Variants in TSPAN2 observed in about 807,000 individuals in gnomAD.
The protein encoded by TSPAN2 is tetraspanin-2.
In TSPAN2, 24 loss-of-function variants were observed where a neutral mutation model predicts 33.3. That is an observed-to-expected ratio of 0.72 (90% CI 0.52 to 1.01). The LOEUF (loss-of-function observed/expected upper bound fraction) is 1.01. Ranked by LOEUF, TSPAN2 falls within the 50% of genes least tolerant of loss-of-function variation. TSPAN2 has a pLI of 0.00. For missense variants in TSPAN2, 278 were observed against 281.3 expected, an observed-to-expected ratio of 0.99 and a Z score of 0.08; for synonymous variants, 114 against 104.5, an observed-to-expected ratio of 1.09 and a Z score of -0.56.
intron 1 of TSPAN2, among the ~76,000 whole-genome samples, chr1:115,085,370 A>T (rs1213134637): frequency 6.6e-6 from 1 of 152,178 alleles, no homozygotes; most frequent in African/African-American, 2.4e-5. Flanking sequence ...TTGTATGTTT[A>T]TGAAACCAGG....
At chr1:115,069,436 C>A (rs1648077799) in intron 2 of TSPAN2, among the ~76,000 whole-genome samples, 1 of 152,156 alleles carries the variant, frequency 6.6e-6, no homozygotes, top group Admixed American at 6.5e-5. Context: ...AGGCCTGGGG[C>A]ATTACATGCA....
chr1:115,077,645 A>G (rs1238303898), intron 1 of TSPAN2, among the ~76,000 whole-genome samples: 1 of 152,258 alleles, frequency 6.6e-6, no homozygotes, highest in African/African-American at 2.4e-5. Context: ...TGCCAAAAAA[A>G]AGTCATCGTG....
chr1:115,089,271 C>T, intron 1 of TSPAN2, 93 bp downstream of exon 1: 1 of 1,194,622 alleles, frequency 8.4e-7, no homozygotes, highest in Non-Finnish European at 1.2e-6. Flanking sequence ...ACGAGCGCGA[C>T]TCGGACGCCG....
At chr1:115,082,727 C>T (rs2144549) in intron 1 of TSPAN2, among the ~76,000 whole-genome samples, 16,930 of 152,228 alleles carry the variant, frequency 0.11, 1,144 homozygotes, top group East Asian at 0.21. Flanking sequence ...TTCTGGAATG[C>T]ATCAAGACTA....
intron 2 of TSPAN2, among the ~76,000 whole-genome samples, chr1:115,063,294 T>C (rs1647805833): frequency 6.6e-6 from 1 of 152,172 alleles, no homozygotes; most frequent in Non-Finnish European, 1.5e-5. Flanking sequence ...AAAGAAGACA[T>C]GCAAGCGAGC....
intron 1 of TSPAN2, among the ~76,000 whole-genome samples, chr1:115,086,817 T>G (rs1195308909): frequency 6.6e-6 from 1 of 152,238 alleles, no homozygotes; most frequent in Non-Finnish European, 1.5e-5. Context: ...AATTTGAGCA[T>G]GGATCAGAAT....
At chr1:115,054,547 C>G (rs1193065896) in intron 6 of TSPAN2, among the ~76,000 whole-genome samples, 1 of 152,142 alleles carries the variant, frequency 6.6e-6, no homozygotes, top group African/African-American at 2.4e-5. Context: ...GAGAGTCAAC[C>G]TATAGCAATT....
intron 2 of TSPAN2, 70 bp downstream of exon 2, chr1:115,072,835 G>T: frequency 7.4e-7 from 1 of 1,358,646 alleles, no homozygotes; most frequent in Non-Finnish European, 1.0e-6. Context: ...TTCAAGTGCA[G>T]CTTCTGCTCT....
At chr1:115,052,184 C>T (rs1675333479) in intron 7 of TSPAN2, among the ~76,000 whole-genome samples, 1 of 152,190 alleles carries the variant, frequency 6.6e-6, no homozygotes, top group Non-Finnish European at 1.5e-5. Flanking sequence ...TGAGAAATGT[C>T]CCTTGATTTG....
At chr1:115,080,174 GT>G (rs1174972675) in intron 1 of TSPAN2, among the ~76,000 whole-genome samples, 1 of 152,198 alleles carries the variant, frequency 6.6e-6, no homozygotes, top group Non-Finnish European at 1.5e-5. Flanking sequence ...AAAATGTGTT[GT>G]TTATTTGGTG....
chr1:115,062,093 C>G, intron 3 of TSPAN2, 42 bp downstream of exon 3: 70 of 1,424,700 alleles, frequency 4.9e-5, no homozygotes, highest in Non-Finnish European at 6.2e-5. Context: ...GCAGGCCGCT[C>G]CCTCACCCCC....
intron 5 of TSPAN2, 111 bp downstream of exon 5, chr1:115,058,772 A>T: frequency 1.1e-6 from 1 of 937,724 alleles, no homozygotes; most frequent in Non-Finnish European, 1.7e-6. Flanking sequence ...AGGTGGTGCT[A>T]CTTGGCTTTA....
chr1:115,087,986 G>A (rs555505702), intron 1 of TSPAN2, among the ~76,000 whole-genome samples: 18 of 152,282 alleles, frequency 1.2e-4, no homozygotes, highest in African/African-American at 3.4e-4. Context: ...TCACTGTGGC[G>A]TGACATCTAT....
At chr1:115,050,596 T>A (rs201564613) in intron 7 of TSPAN2, 41 bp from the exon 8 acceptor site, 10 of 1,561,200 alleles carry the variant, frequency 6.4e-6, no homozygotes, top group Non-Finnish European at 8.8e-6. Context: ...TTGAAACGGG[T>A]ACTGATAGGT....
chr1:115,078,334 C>A (rs1022801956), intron 1 of TSPAN2, among the ~76,000 whole-genome samples: 1 of 152,164 alleles, frequency 6.6e-6, no homozygotes, highest in Non-Finnish European at 1.5e-5. Flanking sequence ...CAAACATAAT[C>A]CCCTCTGCCC....
intron 2 of TSPAN2, 91 bp downstream of exon 2, chr1:115,072,814 T>G: frequency 8.9e-7 from 1 of 1,127,494 alleles, no homozygotes; most frequent in Middle Eastern, 2.0e-4. Context: ...GCCCTCCCCC[T>G]CCCACCAAAG....
chr1:115,057,573 G>A lies in TSPAN2; in HGVS notation c.480C>T (p.Val160=). 3 of 1,614,164 alleles carry A rather than the reference G, an allele frequency of 1.9e-6. No individual in the cohort carries two copies. Among genetic ancestry groups the A allele is most frequent in the Non-Finnish European group, 2.5e-6 (3 of 1,180,004 alleles). Residue 160 remains valine, a synonymous_variant, in exon 6 of 8, where the codon GTC becomes GTT. Transcript: ENST00000369516. The part of the protein sequence containing the change: ...QCCGKESSEQ[V]QPTCPKELLG... Reference sequence around the variant, plus strand: ...GAAGCTCCTTTGGGCATGTAGGTTGGACCTGTTCGGAGCTTTCTTTTCCAC... The same window carrying A: ...GAAGCTCCTTTGGGCATGTAGGTTGAACCTGTTCGGAGCTTTCTTTTCCAC...
chr1:115,089,372 G>T lies in TSPAN2; in HGVS notation c.61C>A (p.Leu21Ile). ...IKYLLLGFNL[L>I]FWLAGSAVIA... ...CCGGCTCCTGGTCTCACCCAGAAGA[G>T]CAGGTTGAAGCCAAGCAGCAGGTAC... The change falls in exon 1 of 8, where the codon CTC (leucine) becomes ATC (isoleucine). Residue 21 changes from leucine to isoleucine, a missense_variant. Transcript: ENST00000369516. The T allele has an allele frequency of 6.3e-7, 1 of 1,591,204 alleles. No individual in the cohort carries two copies. Among genetic ancestry groups the T allele is most frequent in the Non-Finnish European group, 8.5e-7 (1 of 1,170,108 alleles).
chr1:115,082,863 A>G (rs1409461084), intron 1 of TSPAN2, among the ~76,000 whole-genome samples: 1 of 152,250 alleles, frequency 6.6e-6, no homozygotes, highest in Non-Finnish European at 1.5e-5. Context: ...TGGGGTTTAA[A>G]GTCAGAAGAC....
Sources: allele counts gnomAD v4.1 joint callset (sites outside exome capture counted in the v4.1 genomes callset), GRCh38; gene constraint gnomAD v4.1.1; transcripts MANE v1.5; gene names NCBI Gene and HGNC (gene_info 2026-07-23, HGNC 2026-07-21).